The following CNTNAP1 variants were observed in gnomAD, a reference collection of about 807,000 sequenced individuals.
The protein encoded by CNTNAP1 is contactin associated protein 1.
In CNTNAP1, 80 loss-of-function variants were observed where a neutral mutation model predicts 161.5. The ratio of observed to expected loss-of-function variants is 0.50; its 90% CI spans 0.41 to 0.60. The LOEUF (loss-of-function observed/expected upper bound fraction) is 0.60, where lower values mean the gene tolerates loss of function less well. Among genes scored for constraint, CNTNAP1 ranks in the 20% least tolerant of loss-of-function variants. The pLI is 0.00. For synonymous variants in CNTNAP1, 695 were observed against 733.1 expected (o/e 0.95, Z 0.84); for missense variants, 1,464 against 1,854.8 (o/e 0.79, Z 3.87).
In CNTNAP1 at chr17:42,697,662, GAACCC is replaced by G; in HGVS notation, c.3678_3682del (p.Thr1227SerfsTer6). ...GTGGCTCCCCTCAAGACCCACTTCCGAACCCCTCGACCCATGACTGCTGAGCTAGC... is the reference window on the plus strand; with the variant it reads ...GTGGCTCCCCTCAAGACCCACTTCCGCTCGACCCATGACTGCTGAGCTAGC... On this transcript the variant is annotated frameshift_variant, in exon 22 of 24. Coordinates refer to ENST00000264638, the MANE Select transcript of CNTNAP1 (RefSeq NM_003632.3). LOFTEE classifies it high-confidence loss of function. 6.2e-7 allele frequency: 1 copy of G among 1,614,114 alleles called. No individual in the cohort carries two copies. Among genetic ancestry groups the G allele is most frequent in the Non-Finnish European group, 8.5e-7 (1 of 1,180,020 alleles).
rs1458819801 is a variant in CNTNAP1 at position 42,698,954 on chromosome 17, C to T, written c.*44C>T. ...ACCAATTCCAGCTCCTGACATTCCC[C>T]CAGTCCTGCCTCTCCCCCATCCTAT... On this transcript the variant is annotated 3_prime_UTR_variant, in exon 24 of 24. Transcript: ENST00000264638. 2 of 1,471,736 alleles carry T rather than the reference C, an allele frequency of 1.4e-6. No individual in the cohort carries two copies. Among genetic ancestry groups the T allele is most frequent in the African/African-American group, 1.4e-5 (1 of 70,934 alleles). 91.2% of individuals were successfully genotyped at this position (1,471,736 alleles called of 1,614,324 possible).
Position 42,687,386 on chromosome 17 carries a change from T to A in CNTNAP1, c.1045-334T>A. 1 of 507,156 alleles carries A rather than the reference T, an allele frequency of 2.0e-6. No individual in the cohort carries two copies. Among genetic ancestry groups the A allele is most frequent in the South Asian group, 2.6e-5 (1 of 38,518 alleles). The allele number at this position is 507,156 out of a possible 1,614,324, so 31.4% of individuals were successfully genotyped here. A position where few individuals can be genotyped will look rare whatever the true frequency, so the allele number is the denominator to read the frequency against. ...TTCTCTGATATGCCCCCCTCAACCC[T>A]CTCCGACTCTGGAGCTCTGTTGGGA... On this transcript the variant is annotated intron_variant, in intron 7 of 23. Transcript: ENST00000264638. This position sits in a 1 kb window ranked among gnomAD's most constrained non-coding sequence, Gnocchi z 4.7.
intron 18 of CNTNAP1, among the ~76,000 whole-genome samples, chr17:42,695,176 A>C (rs1236132257): frequency 6.6e-6 from 1 of 152,074 alleles, no homozygotes; most frequent in Non-Finnish European, 1.5e-5. Context: ...CGAACTCCTG[A>C]CCTCAAGATG....
At chr17:42,697,251 C>T (rs2053162546) in intron 20 of CNTNAP1, 23 bp from the exon 21 acceptor site, 1 of 1,531,242 alleles carries the variant, frequency 6.5e-7, no homozygotes, top group Non-Finnish European at 9.0e-7. Flanking sequence ...TCATCGCCCT[C>T]CCCCTCCCCC....
At chr17:42,693,132 G>T (rs1417636030) in intron 17 of CNTNAP1, among the ~76,000 whole-genome samples, 165 bp from the exon 18 acceptor site, 1 of 151,594 alleles carries the variant, frequency 6.6e-6, no homozygotes, top group East Asian at 1.9e-4. Context: ...AATTTTTTTT[G>T]TATTTTTTAG....
chr17:42,689,058 G>C lies in CNTNAP1; in HGVS notation c.1628+11G>C. The C allele has an allele frequency of 6.4e-7, 1 of 1,552,708 alleles. No homozygotes were observed. Among genetic ancestry groups the C allele is most frequent in the Non-Finnish European group, 8.7e-7 (1 of 1,148,224 alleles). On this transcript the variant is annotated intron_variant, in intron 10 of 23. Coordinates refer to ENST00000264638, the MANE Select transcript of CNTNAP1 (RefSeq NM_003632.3). ...TGGCATCACTGATAGGTACCCAGAA[G>C]CCCCTAACAAGAGATGACCCCTCCA... is the stretch of plus-strand genomic sequence containing the variant.
At chr17:42,683,208 C>T (rs961311176) in intron 1 of CNTNAP1, 8 of 524,558 alleles carry the variant, frequency 1.5e-5, no homozygotes, top group Non-Finnish European at 2.2e-5. Flanking sequence ...TACTGGTGAC[C>T]GATACTAGGA....
Position 42,691,576 on chromosome 17 carries a change from C to T in CNTNAP1, c.2344+65C>T, listed in dbSNP as rs550978470. On this transcript the variant is annotated intron_variant, in intron 15 of 23. Transcript: ENST00000264638. The surrounding 1 kb of genome is among the most constrained non-coding windows in gnomAD (Gnocchi z 4.3). Reference sequence around the variant, plus strand: ...ACTCTCCAGTTTCCAAAATCTAGGCCGCATGTCACTGGTGGTCTCTAGCTG... The same window carrying T: ...ACTCTCCAGTTTCCAAAATCTAGGCTGCATGTCACTGGTGGTCTCTAGCTG... The T allele has an allele frequency of 6.9e-6, 11 of 1,598,574 alleles. No homozygotes were observed. Among genetic ancestry groups the T allele is most frequent in the South Asian group, 2.3e-5 (2 of 88,504 alleles).
intron 1 of CNTNAP1, chr17:42,683,289 G>T (rs1289918124): frequency 2.0e-6 from 2 of 1,004,092 alleles, no homozygotes; most frequent in Admixed American, 4.7e-5. Context: ...GCTAGGGCTG[G>T]GGTTTGTGGC....
At position 42,691,917 on chromosome 17, in the gene CNTNAP1, CG is replaced by C; in HGVS notation, c.2461del (p.Val821SerfsTer3). 3 of 1,614,130 alleles carry C rather than the reference CG, an allele frequency of 1.9e-6. No homozygotes were observed. Among genetic ancestry groups the C allele is most frequent in the Non-Finnish European group, 2.5e-6 (3 of 1,180,010 alleles). ...TTCTACTTCAGGACCTCTGCTCCCT[CG>C]GGGGTCTTCCTAGAGAATATGGGGG... is the stretch of plus-strand genomic sequence containing the variant. ...VSFYFRTSAPSGVFLENMGGP... is the reference protein window; with the variant it reads ...VSFYFRTSAPXGVFLENMGGP... On this transcript the variant is annotated frameshift_variant, in exon 16 of 24. Coordinates refer to ENST00000264638, the MANE Select transcript of CNTNAP1 (RefSeq NM_003632.3). LOFTEE classifies it high-confidence loss of function. This position sits in a 1 kb window ranked among gnomAD's most constrained non-coding sequence, Gnocchi z 4.3.
At chr17:42,695,900 C>T in intron 19 of CNTNAP1, 26 bp downstream of exon 19, 1 of 1,602,386 alleles carries the variant, frequency 6.2e-7, no homozygotes, top group South Asian at 1.1e-5. Flanking sequence ...CTCTCTCACC[C>T]CACTCCAGCT....
rs557611497 is a variant in CNTNAP1 at position 42,698,376 on chromosome 17, C to T, written c.3863-242C>T. 7.2e-5 allele frequency among the ~76,000 whole-genome samples: 11 copies of T among 152,094 alleles called. No homozygotes were observed. The South Asian group carries it at 1.2e-3, about 17-fold the overall frequency. Reference sequence around the variant, plus strand: ...GCCAGGAATTCAAACCTGCCAGACACTTGAGATGAGTTTAGTGTGGTCGAA... The same window carrying T: ...GCCAGGAATTCAAACCTGCCAGACATTTGAGATGAGTTTAGTGTGGTCGAA... On this transcript the variant is annotated intron_variant, in intron 23 of 23. Transcript: ENST00000264638.
intron 20 of CNTNAP1, among the ~76,000 whole-genome samples, chr17:42,696,779 C>T (rs568958067): frequency 1.3e-5 from 2 of 152,042 alleles, no homozygotes; most frequent in Non-Finnish European, 2.9e-5. Flanking sequence ...GCACTCCAGG[C>T]CTAGGCGACA....
chr17:42,693,101 C>T (rs2053111108), intron 17 of CNTNAP1, among the ~76,000 whole-genome samples, 196 bp from the exon 18 acceptor site: 2 of 152,058 alleles, frequency 1.3e-5, no homozygotes, highest in Admixed American at 1.3e-4. Flanking sequence ...GGACTACAGG[C>T]GCCCGCCACC....
chr17:42,698,399 G>A lies in CNTNAP1; in HGVS notation c.3863-219G>A, dbSNP rs79867450. On this transcript the variant is annotated intron_variant, in intron 23 of 23. Coordinates refer to ENST00000264638, the MANE Select transcript of CNTNAP1 (RefSeq NM_003632.3). ...CACTTGAGATGAGTTTAGTGTGGTC[G>A]AACAGCTAACTGAGGGTCATACATT... 6.1e-3 allele frequency among the ~76,000 whole-genome samples: 932 copies of A among 151,936 alleles called. 8 individuals are homozygous for A. The highest frequency in any genetic ancestry group is 0.018 in the African/African-American group (738 of 41,392).
Position 42,682,625 on chromosome 17 carries a change from A to G in CNTNAP1, c.-205A>G, listed in dbSNP as rs2052949089. 1.7e-6 allele frequency: 1 copy of G among 595,732 alleles called. No individual in the cohort carries two copies. The highest frequency in any genetic ancestry group is 2.0e-5 in the South Asian group (1 of 51,160). 36.9% of individuals were successfully genotyped at this position (595,732 alleles called of 1,614,324 possible). The stretch of plus-strand genomic sequence containing the variant: ...GAGGATAGAGAGAGAAGAGCGGAGG[A>G]CCAGGAACCAGAGAGAGAGAGAGAG... On this transcript the variant is annotated 5_prime_UTR_variant, in exon 1 of 24. Transcript: ENST00000264638.
intron 20 of CNTNAP1, among the ~76,000 whole-genome samples, chr17:42,696,761 G>A (rs1332791725): frequency 1.1e-4 from 16 of 152,032 alleles, no homozygotes; most frequent in African/African-American, 3.4e-4. Flanking sequence ...AGCTGAGATC[G>A]TGCCACTGCA....
chr17:42,699,097 T>A lies in CNTNAP1; in HGVS notation c.*187T>A. On this transcript the variant is annotated 3_prime_UTR_variant, in exon 24 of 24. Transcript: ENST00000264638. ...TGGGACCCAAGGGAGTGGCCGAGCC[T>A]CACTGCCTAAACCAATGCCCTTCTC... 2 of 498,420 alleles carry A rather than the reference T, an allele frequency of 4.0e-6. No homozygotes were observed. The highest frequency in any genetic ancestry group is 7.0e-6 in the Non-Finnish European group (2 of 286,608). The allele number at this position is 498,420 out of a possible 1,614,324, so 30.9% of individuals were successfully genotyped here.
chr17:42,685,378 C>T lies in CNTNAP1; in HGVS notation c.673C>T (p.Leu225Phe), dbSNP rs2052992855. Residue 225 changes from leucine to phenylalanine, a missense_variant, in exon 5 of 24, where the codon CTC becomes TTC. Around this residue, in one of 3 missense-constraint regions of CNTNAP1, gnomAD observed 1,383 missense variants for 1,765.0 expected, o/e 0.78. Coordinates refer to ENST00000264638, the MANE Select transcript of CNTNAP1 (RefSeq NM_003632.3). This position sits in a 1 kb window ranked among gnomAD's most constrained non-coding sequence, Gnocchi z 5.0. Reference sequence around the variant, plus strand: ...GGGCGCCCAGGGCGACTACGTGACGCTCGAGCTGGAGGGGGCACACCTGCT... The same window carrying T: ...GGGCGCCCAGGGCGACTACGTGACGTTCGAGCTGGAGGGGGCACACCTGCT... Reference protein sequence around the residue: ...AEGAQGDYVTLELEGAHLLLH... With the variant: ...AEGAQGDYVTFELEGAHLLLH... The T allele has an allele frequency of 6.2e-7, 1 of 1,606,108 alleles. No individual in the cohort carries two copies. Among genetic ancestry groups the T allele is most frequent in the East Asian group, 2.2e-5 (1 of 44,894 alleles).
Sources: gnomAD v4.1 joint callset for allele counts (sites outside exome capture counted in the v4.1 genomes callset) on GRCh38, gnomAD v4.1.1 for gene constraint, gnomAD v4.1.1 regional missense constraint, Gnocchi (gnomAD v3.1) non-coding constraint, MANE v1.5 for transcripts, NCBI Gene and HGNC (gene_info 2026-07-23, HGNC 2026-07-21) for gene names.